CNTN3: variants seen among roughly 807,000 people sequenced by gnomAD.
The protein encoded by CNTN3 is contactin 3, also known as contactin-3.
CNTN3 carries 60 observed loss-of-function variants against 119.1 expected under a neutral mutation model. That is an observed-to-expected ratio of 0.50 (90% CI 0.41 to 0.62). CNTN3 has a LOEUF of 0.62. Ranked by LOEUF, CNTN3 falls within the 20% of genes least tolerant of loss-of-function variation. The pLI, the probability that CNTN3 is intolerant of heterozygous loss-of-function variation, is 0.00. For synonymous variants in CNTN3, 450 were observed against 438.7 expected (o/e 1.03, Z -0.32); for missense variants, 1,101 against 1,242.4 (o/e 0.89, Z 1.71).
intron 4 of CNTN3, among the ~76,000 whole-genome samples, chr3:74,437,135 C>G (rs955314019): frequency 5.3e-5 from 8 of 152,114 alleles, no homozygotes; most frequent in Admixed American, 1.3e-4. Flanking sequence ...ACAAAATGCT[C>G]ATTTGCTAAA....
chr3:74,453,546 G>A lies in CNTN3; in HGVS notation c.359-28606C>T, dbSNP rs564683886. On this transcript the variant is annotated intron_variant, in intron 4 of 22. Coordinates refer to ENST00000263665, the MANE Select transcript of CNTN3 (RefSeq NM_020872.3). ...TCTGCTCTCATCTTAGTTATTTCTTGCCTTCTGCTAGCTTTTGAATGTGTT... is the reference window on the plus strand; with the variant it reads ...TCTGCTCTCATCTTAGTTATTTCTTACCTTCTGCTAGCTTTTGAATGTGTT... 3.3e-5 allele frequency among the ~76,000 whole-genome samples: 5 copies of A among 151,550 alleles called. No homozygotes were observed. The South Asian group carries it at 8.4e-4, about 25-fold the overall frequency.
chr3:74,299,829 GC>G (rs1702417155), intron 17 of CNTN3, 38 bp downstream of exon 17: 1 of 1,555,340 alleles, frequency 6.4e-7, no homozygotes, highest in Non-Finnish European at 8.8e-7. Flanking sequence ...CATGGGAACA[GC>G]AAGACCCTGA....
intron 1 of CNTN3, among the ~76,000 whole-genome samples, chr3:74,587,552 G>A (rs968693548): frequency 1.3e-5 from 2 of 152,024 alleles, no homozygotes; most frequent in East Asian, 3.9e-4. Flanking sequence ...GAAGAAATAA[G>A]CTCTAGATGC....
rs563495009 is a variant in CNTN3, at chr3:74,540,904, A to G, written c.-80-19712T>C. On this transcript the variant is annotated intron_variant, in intron 1 of 22. Coordinates refer to ENST00000263665, the MANE Select transcript of CNTN3 (RefSeq NM_020872.3). Reference sequence around the variant, plus strand: ...ATTTAATTTCTATGTTTGCAATCATAAGAGTGCTATGTAGCCTATTTCTTC... The same window carrying G: ...ATTTAATTTCTATGTTTGCAATCATGAGAGTGCTATGTAGCCTATTTCTTC... Among the ~76,000 whole-genome samples the G allele has an allele frequency of 2.6e-5, 4 of 152,316 alleles. No individual in the cohort carries two copies. In the South Asian group the frequency reaches 8.3e-4, roughly 32 times the overall value.
At position 74,369,225 on chromosome 3, in the gene CNTN3, C is replaced by T; in HGVS notation, c.910G>A (p.Gly304Arg). ...SYECIAENSR[G>R]KNVARGRLTY... ...AGACGCCCTCTGGCAACATTTTTTC[C>T]TCGTGAATTCTCAGCAATGCATTCA... Residue 304 changes from glycine to arginine, a missense_variant, in exon 8 of 23, where the codon GGA (glycine) becomes AGA (arginine). By Grantham distance (125) the Gly-to-Arg change is moderately radical. Transcript: ENST00000263665. 1.9e-6 allele frequency: 3 copies of T among 1,606,598 alleles called. No individual in the cohort carries two copies. The highest frequency in any genetic ancestry group is 1.3e-5 in the African/African-American group (1 of 74,410).
At chr3:74,608,980 C>A (rs1705036915) in intron 1 of CNTN3, among the ~76,000 whole-genome samples, 1 of 152,014 alleles carries the variant, frequency 6.6e-6, no homozygotes, top group African/African-American at 2.4e-5. Context: ...ATCACCTTGA[C>A]AAATGGTAAG....
intron 20 of CNTN3, among the ~76,000 whole-genome samples, chr3:74,271,305 A>G (rs1294466225): frequency 3.9e-5 from 6 of 152,228 alleles, no homozygotes; most frequent in Admixed American, 3.9e-4. Context: ...CCTCCACTGT[A>G]TAAGAGAAAC....
At chr3:74,528,643 G>A (rs1272209004) in intron 1 of CNTN3, among the ~76,000 whole-genome samples, 3 of 151,814 alleles carry the variant, frequency 2.0e-5, no homozygotes, top group Non-Finnish European at 4.4e-5. Flanking sequence ...GATAGAAACT[G>A]TGTACTTACA....
chr3:74,408,200 T>C (rs1701368625), intron 5 of CNTN3, among the ~76,000 whole-genome samples: 1 of 152,162 alleles, frequency 6.6e-6, no homozygotes, highest in Admixed American at 6.5e-5. Flanking sequence ...CCCACTGGTC[T>C]TGCAAGTTTG....
chr3:74,523,698 C>T (rs1703575684), intron 1 of CNTN3, among the ~76,000 whole-genome samples: 1 of 151,932 alleles, frequency 6.6e-6, no homozygotes, highest in Non-Finnish European at 1.5e-5. Context: ...TTGCCATTAT[C>T]ATCCTCATCT....
intron 8 of CNTN3, 68 bp downstream of exon 8, chr3:74,369,121 T>C (rs769995814): frequency 2.4e-5 from 30 of 1,259,250 alleles, no homozygotes; most frequent in Middle Eastern, 2.0e-4. Context: ...CACCCCTAAA[T>C]AACAACCATA....
intron 1 of CNTN3, among the ~76,000 whole-genome samples, chr3:74,534,439 T>C (rs546324648): frequency 6.6e-6 from 1 of 152,206 alleles, no homozygotes; most frequent in East Asian, 1.9e-4. Context: ...TTTTTAAACA[T>C]GGAATCTTAA....
At chr3:74,498,440 G>A (rs1048470144) in intron 3 of CNTN3, among the ~76,000 whole-genome samples, 13 of 151,796 alleles carry the variant, frequency 8.6e-5, no homozygotes, top group Non-Finnish European at 1.9e-4. Context: ...TAGAGGCAGA[G>A]AAAAACTTTT....
At chr3:74,527,720 A>C (rs1336497898) in intron 1 of CNTN3, among the ~76,000 whole-genome samples, 1 of 151,962 alleles carries the variant, frequency 6.6e-6, no homozygotes, top group Non-Finnish European at 1.5e-5. Context: ...GCTTTGCTTT[A>C]AACCTCAAAT....
At chr3:74,581,111 C>CATGCAA (rs1704497658) in intron 1 of CNTN3, among the ~76,000 whole-genome samples, 2 of 152,026 alleles carry the variant, frequency 1.3e-5, no homozygotes, top group African/African-American at 4.8e-5. Context: ...TTCTACTCAC[C>CATGCAA]ATTATACTAA....
intron 11 of CNTN3, among the ~76,000 whole-genome samples, chr3:74,337,167 T>C (rs1484875500): frequency 6.6e-6 from 1 of 152,082 alleles, no homozygotes. Context: ...AAAAGAACAT[T>C]TGGGTGGTCC....
At chr3:74,565,221 C>A (rs868816861) in intron 1 of CNTN3, among the ~76,000 whole-genome samples, 13 of 152,178 alleles carry the variant, frequency 8.5e-5, no homozygotes, top group Non-Finnish European at 1.3e-4. Flanking sequence ...GTCTTCTAGG[C>A]AAATTCAAGG....
At chr3:74,457,832 A>T (rs1398370492) in intron 4 of CNTN3, among the ~76,000 whole-genome samples, 2 of 151,990 alleles carry the variant, frequency 1.3e-5, no homozygotes, top group Non-Finnish European at 2.9e-5. Flanking sequence ...TTTTAAATGA[A>T]ACACAACCAC....
At chr3:74,484,035 G>T (rs1375768970) in intron 4 of CNTN3, among the ~76,000 whole-genome samples, 12 of 152,036 alleles carry the variant, frequency 7.9e-5, no homozygotes, top group Admixed American at 7.2e-4. Context: ...TATGTTATCA[G>T]GTATGAAATT....
Sources: allele counts gnomAD v4.1 joint callset (sites outside exome capture counted in the v4.1 genomes callset), GRCh38; gene constraint gnomAD v4.1.1; transcripts MANE v1.5; gene names NCBI Gene and HGNC (gene_info 2026-07-23, HGNC 2026-07-21).